Variants in TRIP11 observed in about 807,000 individuals in gnomAD.
The protein encoded by TRIP11 is thyroid hormone receptor interactor 11.
Under a neutral mutation model 223.1 loss-of-function variants are expected in TRIP11, and 148 were observed. The ratio of observed to expected loss-of-function variants is 0.66; its 90% CI spans 0.58 to 0.76. The LOEUF (loss-of-function observed/expected upper bound fraction) is 0.76. TRIP11 is among the 30% of genes least tolerant of loss of function. The pLI is 0.00. For missense variants in TRIP11, 2,043 were observed against 2,222.0 expected, an observed-to-expected ratio of 0.92 and a Z score of 1.62; for synonymous variants, 762 against 772.6, an observed-to-expected ratio of 0.99 and a Z score of 0.23.
chr14:92,012,262 CCATT>C (rs1425971203), intron 7 of TRIP11, among the ~76,000 whole-genome samples: 2 of 152,040 alleles, frequency 1.3e-5, no homozygotes, highest in Non-Finnish European at 2.9e-5. Context: ...GAGAAAAAGA[CCATT>C]CAATTTGGTA....
rs149428308 is a variant in TRIP11 at position 91,971,112 on chromosome 14, G to A, written c.5720-1219C>T. Among the ~76,000 whole-genome samples, 20 of 152,264 alleles carry A rather than the reference G, an allele frequency of 1.3e-4. No homozygotes were observed. In the East Asian group the frequency reaches 3.9e-3, roughly 29 times the overall value. ...TTATTGGAATAGGTAAATTCCTAATGTCTTAGTGGACAGATTCTGCTTTAA... is the reference window on the plus strand; with the variant it reads ...TTATTGGAATAGGTAAATTCCTAATATCTTAGTGGACAGATTCTGCTTTAA... On this transcript the variant is annotated intron_variant, in intron 20 of 20. Transcript: ENST00000267622.
At position 92,039,584 on chromosome 14, in the gene TRIP11, TGTAAAGTTTGATATCTG is replaced by T; in HGVS notation, c.85_101del (p.Gln29LysfsTer17). On this transcript the variant is annotated frameshift_variant, in exon 1 of 21. Coordinates refer to ENST00000267622, the MANE Select transcript of TRIP11 (RefSeq NM_004239.4). LOFTEE classifies it high-confidence loss of function. ...CCGTGCCCTCCATCAGCATATCCTT[TGTAAAGTTTGATATCTG>T]GCCAGTGAGGGAAGCCAGGCTGCCC... 1 of 1,613,876 alleles carries T rather than the reference TGTAAAGTTTGATATCTG, an allele frequency of 6.2e-7. No individual in the cohort carries two copies. The highest frequency in any genetic ancestry group is 8.5e-7 in the Non-Finnish European group (1 of 1,179,966).
chr14:91,986,766 T>C (rs1031010944), intron 16 of TRIP11, among the ~76,000 whole-genome samples: 20 of 152,200 alleles, frequency 1.3e-4, no homozygotes, highest in Admixed American at 4.6e-4. Flanking sequence ...GTTGCCCATA[T>C]GTCTTCCAGA....
chr14:91,992,385 T>TG (rs1342637202), intron 15 of TRIP11, among the ~76,000 whole-genome samples: 1 of 152,184 alleles, frequency 6.6e-6, no homozygotes, highest in African/African-American at 2.4e-5. Flanking sequence ...TTTCTTACAC[T>TG]GGGTGGTGAC....
rs765507560 is a variant in TRIP11, at chr14:92,005,521, T to C, written c.2455A>G (p.Lys819Glu). 1.2e-6 allele frequency: 2 copies of C among 1,611,814 alleles called. No homozygotes were observed. The highest frequency in any genetic ancestry group is 1.7e-4 in the Middle Eastern group (1 of 6,056). The change falls in exon 11 of 21, where the codon AAG (lysine) becomes GAG (glutamate). Residue 819 changes from lysine (K) to glutamate (E), a missense_variant. Transcript: ENST00000267622. ...LINKKEIFIE[K>E]LKERSSKLQE... Reference sequence around the variant, plus strand: ...AGCTTTGAACTTCTTTCTTTAAGCTTTTCAATAAAAATTTCTTTCTTGTTT... The same window carrying C: ...AGCTTTGAACTTCTTTCTTTAAGCTCTTCAATAAAAATTTCTTTCTTGTTT...
At chr14:91,975,367 A>G in intron 17 of TRIP11, 81 bp from the exon 18 acceptor site, 2 of 806,582 alleles carry the variant, frequency 2.5e-6, no homozygotes, top group Admixed American at 2.3e-5. Context: ...ATATTTAATT[A>G]TATTAAACAA....
intron 2 of TRIP11, 91 bp downstream of exon 2, chr14:92,033,101 G>T: frequency 3.1e-6 from 3 of 982,596 alleles, no homozygotes; most frequent in Admixed American, 3.7e-5. Context: ...GTGCTAAGCA[G>T]TACATTTAAA....
In TRIP11 at chr14:92,004,031, C is replaced by G. The variant is rs1415760025; in HGVS notation, c.3945G>C (p.Gln1315His). 1.2e-6 allele frequency: 2 copies of G among 1,614,030 alleles called. No individual in the cohort carries two copies. The highest frequency in any genetic ancestry group is 2.7e-5 in the African/African-American group (2 of 74,918). Residue 1315 changes from glutamine (Q) to histidine (H), a missense_variant, in exon 11 of 21, where the codon CAG becomes CAC. Transcript: ENST00000267622. The part of the protein sequence containing the change: ...LLGKLDIISP[Q>H]LSSASLLTPQ... ...GAGTAAGCAATGATGCAGAAGACAGCTGGGGTGAAATAATATCAAGTTTTC... is the reference window on the plus strand; with the variant it reads ...GAGTAAGCAATGATGCAGAAGACAGGTGGGGTGAAATAATATCAAGTTTTC...
Position 91,969,601 on chromosome 14 carries a change from T to A in TRIP11, c.*72A>T, listed in dbSNP as rs2056375663. 3.4e-6 allele frequency: 5 copies of A among 1,470,072 alleles called. No individual in the cohort carries two copies. Among genetic ancestry groups the A allele is most frequent in the Non-Finnish European group, 3.8e-6 (4 of 1,051,510 alleles). 91.1% of individuals were successfully genotyped at this position (1,470,072 alleles called of 1,614,324 possible). On this transcript the variant is annotated 3_prime_UTR_variant, in exon 21 of 21. Coordinates refer to ENST00000267622, the MANE Select transcript of TRIP11 (RefSeq NM_004239.4). The stretch of plus-strand genomic sequence containing the variant: ...ATGACTTTCTCCCCAAAGGCCACTT[T>A]GTGATAAAGTACATACATATAGTGT...
At position 92,014,384 on chromosome 14, in the gene TRIP11, T is replaced by C. The variant is rs781089896; in HGVS notation, c.1017A>G (p.Leu339=). The change falls in exon 7 of 21, where the codon CTA becomes CTG. Residue 339 remains leucine, a synonymous_variant. Transcript: ENST00000267622. ...RDILRREQEQ[L]NVEKRQIMEE... is the part of the protein sequence containing the mutation. ...CCATTATTTGTCTCTTTTCCACATT[T>C]AGCTGTTCTTGTTCTCTCCTCAAAA... 4.3e-6 allele frequency: 7 copies of C among 1,613,824 alleles called. No individual in the cohort carries two copies. The highest frequency in any genetic ancestry group is 1.7e-4 in the Middle Eastern group (1 of 6,036).
chr14:91,979,646 C>G (rs1198677616), intron 16 of TRIP11, among the ~76,000 whole-genome samples: 1 of 152,000 alleles, frequency 6.6e-6, no homozygotes, highest in Admixed American at 6.6e-5. Context: ...AGAATGTACT[C>G]TGATATTTGA....
intron 16 of TRIP11, chr14:91,977,115 C>G (rs1232880694): frequency 5.1e-6 from 2 of 388,716 alleles, no homozygotes; most frequent in Non-Finnish European, 1.0e-5. Flanking sequence ...ACGCTAGACT[C>G]TGCCACAAAC....
chr14:91,969,632 G>A lies in TRIP11; in HGVS notation c.*41C>T, dbSNP rs780662900. ...AAAGTACATACATATAGTGTTCATG[G>A]TTTCTTTAAAGTGCTAGATTGTCTC... is the stretch of plus-strand genomic sequence containing the variant. On this transcript the variant is annotated 3_prime_UTR_variant, in exon 21 of 21. Coordinates refer to ENST00000267622, the MANE Select transcript of TRIP11 (RefSeq NM_004239.4). The A allele has an allele frequency of 1.9e-6, 3 of 1,597,016 alleles. No individual in the cohort carries two copies. The highest frequency in any genetic ancestry group is 2.6e-6 in the Non-Finnish European group (3 of 1,166,140).
chr14:92,040,038 G>T lies in TRIP11; in HGVS notation c.-353C>A. 1 of 419,170 alleles carries T rather than the reference G, an allele frequency of 2.4e-6. No individual in the cohort carries two copies. The allele number at this position is 419,170 out of a possible 1,614,324, so 26.0% of individuals were successfully genotyped here. ...CTCGACGCCGGCCGCCATGACACTC[G>T]CTCGGAAAGCGGCAGCGGATCATAG... On this transcript the variant is annotated 5_prime_UTR_variant, in exon 1 of 21. Coordinates refer to ENST00000267622, the MANE Select transcript of TRIP11 (RefSeq NM_004239.4).
At chr14:91,998,856 C>T (rs906000920) in intron 13 of TRIP11, among the ~76,000 whole-genome samples, 7 of 152,208 alleles carry the variant, frequency 4.6e-5, no homozygotes, top group Non-Finnish European at 1.0e-4. Flanking sequence ...CTAACATCCA[C>T]ATCCTGTTCA....
chr14:91,966,863 TCTA>T lies in TRIP11; in HGVS notation c.*2807_*2809del, dbSNP rs1454914486. 2 of 218,452 alleles carry T rather than the reference TCTA, an allele frequency of 9.2e-6. No homozygotes were observed. Among genetic ancestry groups the T allele is most frequent in the Admixed American group, 5.8e-5 (1 of 17,286 alleles). 13.5% of individuals were successfully genotyped at this position (218,452 alleles called of 1,614,324 possible). A position where few individuals can be genotyped will look rare whatever the true frequency, so the allele number is the denominator to read the frequency against. On this transcript the variant is annotated 3_prime_UTR_variant, in exon 21 of 21. Transcript: ENST00000267622. ...GCGAAGGTGGAATTCAACCACAAATTCTACTGAGTGGATAGAGAAATAAACAGA... is the reference window on the plus strand; with the variant it reads ...GCGAAGGTGGAATTCAACCACAAATTCTGAGTGGATAGAGAAATAAACAGA...
intron 20 of TRIP11, among the ~76,000 whole-genome samples, chr14:91,970,524 T>G (rs2056389027): frequency 6.6e-6 from 1 of 152,180 alleles, no homozygotes; most frequent in Non-Finnish European, 1.5e-5. Flanking sequence ...TCACTCTTGG[T>G]AATTCAAAAC....
intron 13 of TRIP11, among the ~76,000 whole-genome samples, chr14:91,996,391 T>C (rs2056751213): frequency 6.6e-6 from 1 of 152,118 alleles, no homozygotes; most frequent in Non-Finnish European, 1.5e-5. Flanking sequence ...AAAATAAAAA[T>C]GTAGTCCAGG....
At chr14:91,990,724 T>TC (rs1284148932) in intron 15 of TRIP11, among the ~76,000 whole-genome samples, 1 of 152,134 alleles carries the variant, frequency 6.6e-6, no homozygotes, top group Non-Finnish European at 1.5e-5. Context: ...CGCCTGTAAT[T>TC]CCAACATTTT....
Sources: allele counts gnomAD v4.1 joint callset (sites outside exome capture counted in the v4.1 genomes callset), GRCh38; gene constraint gnomAD v4.1.1; transcripts MANE v1.5; gene names NCBI Gene and HGNC (gene_info 2026-07-23, HGNC 2026-07-21).